The following PINX1 variants were observed in gnomAD, a reference collection of about 807,000 sequenced individuals.
The protein encoded by PINX1 is PIN2 (TERF1) interacting telomerase inhibitor 1, also known as PIN2/TERF1-interacting telomerase inhibitor 1.
A neutral mutation model predicts 25.4 loss-of-function variants in PINX1; 34 were observed. That is an observed-to-expected ratio of 1.34 (90% CI 1.02 to 1.78). The LOEUF is 1.78. PINX1 is among the 40% of genes most tolerant of loss of function. The pLI is 0.00. For synonymous variants in PINX1, 197 were observed against 147.7 expected, an observed-to-expected ratio of 1.33 and a Z score of -2.42; for missense variants, 592 against 404.9, an observed-to-expected ratio of 1.46 and a Z score of -3.97.
intron 2 of PINX1, 128 bp downstream of exon 2, chr8:10,834,538 G>A (rs1336675993): frequency 7.4e-7 from 1 of 1,348,854 alleles, no homozygotes; most frequent in Non-Finnish European, 9.8e-7. Context: ...AACAATTTTT[G>A]ATTTGGGATC....
At position 10,765,142 on chromosome 8, in the gene PINX1, CT is replaced by C; in HGVS notation, c.*258del. 1 of 473,064 alleles carries C rather than the reference CT, an allele frequency of 2.1e-6. No homozygotes were observed. Among genetic ancestry groups the C allele is most frequent in the Non-Finnish European group, 3.7e-6 (1 of 268,678 alleles). 29.3% of individuals were successfully genotyped at this position (473,064 alleles called of 1,614,324 possible). On this transcript the variant is annotated 3_prime_UTR_variant, in exon 7 of 7. Transcript: ENST00000314787. ...TGTATTTGTAATGATTATAATTAAA[CT>C]CTCTTGCTGAAGGGCTCAGAGTTTA...
At chr8:10,797,898 G>C (rs527681369) in intron 6 of PINX1, among the ~76,000 whole-genome samples, 2 of 152,180 alleles carry the variant, frequency 1.3e-5, no homozygotes, top group African/African-American at 4.8e-5. Context: ...ACCATGTCAG[G>C]AGAATCTCAG....
At chr8:10,794,090 G>C (rs564698029) in intron 6 of PINX1, among the ~76,000 whole-genome samples, 2 of 152,160 alleles carry the variant, frequency 1.3e-5, no homozygotes, top group Non-Finnish European at 2.9e-5. Flanking sequence ...TTGCTAAGCA[G>C]GTGTCGTCAC....
intron 1 of PINX1, among the ~76,000 whole-genome samples, chr8:10,837,013 A>G (rs1798425523): frequency 1.3e-5 from 2 of 152,316 alleles, no homozygotes; most frequent in South Asian, 4.1e-4. Flanking sequence ...CTCAGATCTC[A>G]GCTTTGTTCA....
chr8:10,798,818 G>T (rs969601287), intron 6 of PINX1, among the ~76,000 whole-genome samples: 3 of 152,122 alleles, frequency 2.0e-5, no homozygotes, highest in African/African-American at 7.2e-5. Context: ...TTCTAGTGTC[G>T]AGCCAGAGCC....
rs1800992117 is a variant in PINX1, at chr8:10,765,267, C to G, written c.*134G>C. 4.0e-6 allele frequency: 3 copies of G among 748,528 alleles called. No individual in the cohort carries two copies. The highest frequency in any genetic ancestry group is 4.2e-6 in the Non-Finnish European group (2 of 480,624). 46.4% of individuals were successfully genotyped at this position (748,528 alleles called of 1,614,324 possible). A position where few individuals can be genotyped will look rare whatever the true frequency, so the allele number is the denominator to read the frequency against. ...GGAAATGTGGCGAGAGGGCAGGACT[C>G]GGCAGCCCATGGGCATGCCACAAGA... On this transcript the variant is annotated 3_prime_UTR_variant, in exon 7 of 7. Coordinates refer to ENST00000314787, the MANE Select transcript of PINX1 (RefSeq NM_017884.6).
rs980670794 is a variant in PINX1, at chr8:10,832,950, T to A, written c.164A>T (p.His55Leu). Residue 55 changes from histidine (H) to leucine (L), a missense_variant, in exon 3 of 7, where the codon CAT becomes CTT. Transcript: ENST00000314787. The stretch of plus-strand genomic sequence containing the variant: ...GTTATTTTTCACTTGAACTTTAATA[T>A]GATCTGTGGCTCCTTGCTCCTGAGC... ...LGAQEQGATDHIKVQVKNNHL... is the reference protein window; with the variant it reads ...LGAQEQGATDLIKVQVKNNHL... The A allele has an allele frequency of 2.5e-6, 4 of 1,611,964 alleles. No homozygotes were observed. The highest frequency in any genetic ancestry group is 3.4e-6 in the Non-Finnish European group (4 of 1,178,896).
intron 6 of PINX1, among the ~76,000 whole-genome samples, chr8:10,807,976 T>A (rs1171405509): frequency 1.3e-5 from 2 of 152,176 alleles, no homozygotes; most frequent in East Asian, 3.8e-4. Flanking sequence ...ACTGAAAGTT[T>A]TATATTAAGA....
At chr8:10,825,230 T>C (rs1797999250) in intron 5 of PINX1, 1 of 435,324 alleles carries the variant, frequency 2.3e-6, no homozygotes, top group Admixed American at 2.4e-5. Flanking sequence ...CCAGGCTGGC[T>C]GTACAAGTTA....
intron 2 of PINX1, 83 bp downstream of exon 2, chr8:10,834,583 C>T (rs1798337408): frequency 6.6e-7 from 1 of 1,503,762 alleles, no homozygotes; most frequent in Non-Finnish European, 8.9e-7. Context: ...TAAGTTTCTT[C>T]CAGTCTCCTA....
Position 10,826,233 on chromosome 8 carries a change from T to C in PINX1, c.313A>G (p.Lys105Glu), listed in dbSNP as rs773492827. 8 of 1,569,470 alleles carry C rather than the reference T, an allele frequency of 5.1e-6. No individual in the cohort carries two copies. In the South Asian group the frequency reaches 6.9e-5, roughly 14 times the overall value. ...AGGCTAAAAGATTTCTTTTCCTTCT[T>C]GTCCGAGGAATCTTTAAAAAAGATG... ...HGQETTDSSD[K>E]KEKKSFSLEE... Residue 105 changes from lysine (K) to glutamate (E), a missense_variant, in exon 5 of 7, where the codon AAG (lysine) becomes GAG (glutamate). By Grantham distance (56) the Lys-to-Glu change is moderately conservative. Coordinates refer to ENST00000314787, the MANE Select transcript of PINX1 (RefSeq NM_017884.6).
chr8:10,799,040 A>C (rs1395638128), intron 6 of PINX1, among the ~76,000 whole-genome samples: 2 of 152,226 alleles, frequency 1.3e-5, no homozygotes, highest in Non-Finnish European at 2.9e-5. Context: ...TAGAGGTAAG[A>C]ACCCTTCCTA....
At chr8:10,807,014 A>G (rs1237070157) in intron 6 of PINX1, among the ~76,000 whole-genome samples, 2 of 152,320 alleles carry the variant, frequency 1.3e-5, no homozygotes, top group African/African-American at 4.8e-5. Context: ...ATTGACTGTT[A>G]AATTACAGCA....
intron 6 of PINX1, among the ~76,000 whole-genome samples, chr8:10,817,145 A>G (rs1262815492): frequency 6.6e-6 from 1 of 152,178 alleles, no homozygotes; most frequent in East Asian, 1.9e-4. Flanking sequence ...ACAGATCAGC[A>G]TCGGCACCTA....
chr8:10,797,481 T>C (rs1267070704), intron 6 of PINX1, among the ~76,000 whole-genome samples: 3 of 152,190 alleles, frequency 2.0e-5, no homozygotes, highest in Admixed American at 2.0e-4. Flanking sequence ...GGAGACAATA[T>C]TGTTGTTTAA....
At chr8:10,823,983 A>C (rs1434205291) in intron 5 of PINX1, among the ~76,000 whole-genome samples, 1 of 152,252 alleles carries the variant, frequency 6.6e-6, no homozygotes, top group Admixed American at 6.5e-5. Flanking sequence ...CCTGGACGAT[A>C]CATGAGTTGC....
At chr8:10,791,222 C>A (rs772431862) in intron 6 of PINX1, among the ~76,000 whole-genome samples, 4 of 152,152 alleles carry the variant, frequency 2.6e-5, no homozygotes, top group Non-Finnish European at 5.9e-5. Flanking sequence ...AAAATCCCCC[C>A]TTTTTAGATC....
chr8:10,784,188 G>C (rs1008627026), intron 6 of PINX1, among the ~76,000 whole-genome samples: 2 of 152,158 alleles, frequency 1.3e-5, no homozygotes, highest in African/African-American at 2.4e-5. Flanking sequence ...ATAGCAGGGA[G>C]GACACAGGGG....
chr8:10,796,057 T>C (rs919890745), intron 6 of PINX1, among the ~76,000 whole-genome samples: 1 of 152,206 alleles, frequency 6.6e-6, no homozygotes, highest in African/African-American at 2.4e-5. Context: ...GCAGGCCAAG[T>C]GGTGAAAGAG....
Sources: allele counts gnomAD v4.1 joint callset (sites outside exome capture counted in the v4.1 genomes callset), GRCh38; gene constraint gnomAD v4.1.1; transcripts MANE v1.5; gene names NCBI Gene and HGNC (gene_info 2026-07-23, HGNC 2026-07-21).